The following CDKAL1 variants were observed in gnomAD, a reference collection of about 807,000 sequenced individuals.
The protein encoded by CDKAL1 is CDKAL1 threonylcarbamoyladenosine tRNA methylthiotransferase.
CDKAL1 carries 32 observed loss-of-function variants against 68.2 expected under a neutral mutation model. That is an observed-to-expected ratio of 0.47 (90% CI 0.35 to 0.63). The LOEUF (loss-of-function observed/expected upper bound fraction) is 0.63. Among genes scored for constraint, CDKAL1 ranks in the 30% least tolerant of loss-of-function variants. The pLI, the probability that CDKAL1 is intolerant of heterozygous loss-of-function variation, is 0.00. For synonymous variants in CDKAL1, 234 were observed against 244.3 expected (o/e 0.96, Z 0.39); for missense variants, 606 against 696.7 (o/e 0.87, Z 1.47).
chr6:20,639,680 T>C (rs1768074780), intron 4 of CDKAL1, among the ~76,000 whole-genome samples: 1 of 152,256 alleles, frequency 6.6e-6, no homozygotes, highest in African/African-American at 2.4e-5. Flanking sequence ...TGTTTTCTTT[T>C]TGTTTTTTGA....
At chr6:20,934,345 T>C (rs1763604281) in intron 9 of CDKAL1, among the ~76,000 whole-genome samples, 1 of 152,208 alleles carries the variant, frequency 6.6e-6, no homozygotes, top group Non-Finnish European at 1.5e-5. Context: ...TTATTCATCT[T>C]TGTGCTTTTA....
intron 5 of CDKAL1, among the ~76,000 whole-genome samples, chr6:20,688,749 C>T (rs947916548): frequency 6.6e-6 from 1 of 152,202 alleles, no homozygotes; most frequent in African/African-American, 2.4e-5. Context: ...ATATCTGAGT[C>T]TGGTTCTGAT....
At chr6:21,198,901 C>T (rs1778575636) in intron 14 of CDKAL1, among the ~76,000 whole-genome samples, 1 of 152,128 alleles carries the variant, frequency 6.6e-6, no homozygotes, top group Non-Finnish European at 1.5e-5. Context: ...GGTCATTGAC[C>T]CTGGCAAGGG....
At chr6:20,595,572 C>G (rs144396729) in intron 4 of CDKAL1, among the ~76,000 whole-genome samples, 1,661 of 152,102 alleles carry the variant, frequency 0.011, 28 homozygotes, top group African/African-American at 0.036. Context: ...AGCAATTCCT[C>G]TCACCTTTTT....
intron 9 of CDKAL1, among the ~76,000 whole-genome samples, chr6:20,864,960 G>A (rs1341963239): frequency 6.6e-6 from 1 of 152,080 alleles, no homozygotes; most frequent in Non-Finnish European, 1.5e-5. Flanking sequence ...GCACAGGTGT[G>A]ATTATAAATA....
chr6:20,866,834 G>A (rs965422888), intron 9 of CDKAL1, among the ~76,000 whole-genome samples: 2 of 152,202 alleles, frequency 1.3e-5, no homozygotes, highest in Middle Eastern at 3.4e-3. Flanking sequence ...AAGCAGCGAG[G>A]GATTGGTTCC....
intron 11 of CDKAL1, among the ~76,000 whole-genome samples, chr6:21,004,858 A>G (rs1278161274): frequency 6.6e-6 from 1 of 152,194 alleles, no homozygotes; most frequent in Non-Finnish European, 1.5e-5. Flanking sequence ...ACTACTAGGG[A>G]GGCTGAGGCA....
At chr6:21,140,577 G>A (rs2151033556) in intron 13 of CDKAL1, among the ~76,000 whole-genome samples, 1 of 152,258 alleles carries the variant, frequency 6.6e-6, no homozygotes, top group African/African-American at 2.4e-5. Context: ...CTCTATCAAG[G>A]GGCTATATGG....
At chr6:20,679,620 T>G (rs1206782030) in intron 5 of CDKAL1, among the ~76,000 whole-genome samples, 2 of 152,252 alleles carry the variant, frequency 1.3e-5, no homozygotes, top group East Asian at 3.8e-4. Context: ...TTAAAAACTT[T>G]TTATATAGCC....
chr6:21,048,161 A>G (rs1217496100), intron 11 of CDKAL1, among the ~76,000 whole-genome samples: 2 of 152,184 alleles, frequency 1.3e-5, no homozygotes, highest in Non-Finnish European at 2.9e-5. Context: ...TTCTGTTGCA[A>G]CTGTCACAAC....
At chr6:20,717,683 T>G (rs754555075) in intron 5 of CDKAL1, among the ~76,000 whole-genome samples, 27 of 152,296 alleles carry the variant, frequency 1.8e-4, no homozygotes, top group Non-Finnish European at 3.2e-4. Context: ...ACTTAGCTGT[T>G]GCTTTTTGGT....
At chr6:21,216,898 G>T (rs898100623) in intron 15 of CDKAL1, among the ~76,000 whole-genome samples, 1 of 152,140 alleles carries the variant, frequency 6.6e-6, no homozygotes. Flanking sequence ...CCTAGGAGTG[G>T]CATTGCTGGG....
intron 5 of CDKAL1, among the ~76,000 whole-genome samples, chr6:20,666,681 A>C (rs979330364): frequency 5.3e-5 from 7 of 130,914 alleles, no homozygotes; most frequent in Non-Finnish European, 1.1e-4. Context: ...CTGCATTCCA[A>C]AGAATCCTTT....
chr6:20,787,345 A>C (rs537795534), intron 8 of CDKAL1, among the ~76,000 whole-genome samples: 3 of 152,290 alleles, frequency 2.0e-5, no homozygotes, highest in African/African-American at 7.2e-5. Flanking sequence ...TAATGTACAA[A>C]ATTTATCAGT....
chr6:20,869,500 T>G (rs1760083422), intron 9 of CDKAL1, among the ~76,000 whole-genome samples: 1 of 152,216 alleles, frequency 6.6e-6, no homozygotes, highest in Non-Finnish European at 1.5e-5. Context: ...TAACAAAAAC[T>G]TGTTTATTAG....
In CDKAL1 at chr6:20,991,440, G is replaced by A. The variant is rs968773501; in HGVS notation, c.910-8787G>A. ...CAACCAGTCTTGCCTGGGCACGGTG[G>A]CTAATGCCTGTAATCCCAGCACTTT... On this transcript the variant is annotated intron_variant, in intron 10 of 15. Coordinates refer to ENST00000274695, the MANE Select transcript of CDKAL1 (RefSeq NM_017774.3). 1.1e-4 allele frequency among the ~76,000 whole-genome samples: 17 copies of A among 152,236 alleles called. No homozygotes were observed. In the East Asian group the frequency reaches 3.3e-3, roughly 29 times the overall value.
chr6:21,027,449 C>T (rs1352151735), intron 11 of CDKAL1, among the ~76,000 whole-genome samples: 1 of 152,174 alleles, frequency 6.6e-6, no homozygotes, highest in Non-Finnish European at 1.5e-5. Context: ...GAAGTAGATT[C>T]TAATGGACAG....
At chr6:21,105,563 C>T (rs1285805751) in intron 12 of CDKAL1, among the ~76,000 whole-genome samples, 2 of 152,180 alleles carry the variant, frequency 1.3e-5, no homozygotes, top group Non-Finnish European at 2.9e-5. Flanking sequence ...TCAGGTCCAA[C>T]TGCTTAACTA....
At chr6:21,150,253 A>G (rs1375296727) in intron 13 of CDKAL1, among the ~76,000 whole-genome samples, 3 of 152,202 alleles carry the variant, frequency 2.0e-5, no homozygotes, top group African/African-American at 7.2e-5. Context: ...TTCCGGGGGC[A>G]AGAAAAGAAT....
Sources: gnomAD v4.1 joint callset for allele counts (sites outside exome capture counted in the v4.1 genomes callset) on GRCh38, gnomAD v4.1.1 for gene constraint, MANE v1.5 for transcripts, NCBI Gene and HGNC (gene_info 2026-07-23, HGNC 2026-07-21) for gene names.